Variants in SND1 observed in about 807,000 individuals in gnomAD.
The protein encoded by SND1 is staphylococcal nuclease domain-containing protein 1.
A neutral mutation model predicts 121.7 loss-of-function variants in SND1; 38 were observed. The observed-to-expected ratio is 0.31, with a 90% CI of 0.24 to 0.41. The LOEUF (loss-of-function observed/expected upper bound fraction) is 0.41. Ranked by LOEUF, SND1 falls within the 10% of genes least tolerant of loss-of-function variation. SND1 has a pLI of 1.00. For missense variants in SND1, 868 were observed against 1,184.6 expected, an observed-to-expected ratio of 0.73 and a Z score of 3.92; for synonymous variants, 401 against 447.4, an observed-to-expected ratio of 0.90 and a Z score of 1.31.
chr7:127,750,300 A>G (rs970270934), intron 10 of SND1, among the ~76,000 whole-genome samples: 4 of 152,170 alleles, frequency 2.6e-5, no homozygotes, highest in Non-Finnish European at 4.4e-5. Context: ...GGTCTTCCCT[A>G]TGCTGGTTCT....
chr7:128,038,093 A>G lies in SND1; in HGVS notation c.1780-36409A>G, dbSNP rs147361644. 1.3e-3 allele frequency among the ~76,000 whole-genome samples: 196 copies of G among 152,354 alleles called. 1 individual carries two copies. The highest frequency in any genetic ancestry group is 4.6e-3 in the African/African-American group (192 of 41,574). On this transcript the variant is annotated intron_variant, in intron 16 of 23. Coordinates refer to ENST00000354725, the MANE Select transcript of SND1 (RefSeq NM_014390.4). ...CTATGAATAGAGTGGCTTTTCAGGT[A>G]TCTGAAACATAAATGTGATCATTAA...
intron 15 of SND1, among the ~76,000 whole-genome samples, chr7:127,981,442 C>G (rs1306046125): frequency 6.6e-6 from 1 of 152,146 alleles, no homozygotes; most frequent in East Asian, 1.9e-4. Context: ...CCCAAACACA[C>G]CTCCAGAGAC....
chr7:127,935,817 G>T (rs1801049865), intron 15 of SND1, among the ~76,000 whole-genome samples: 1 of 152,214 alleles, frequency 6.6e-6, no homozygotes, highest in Non-Finnish European at 1.5e-5. Context: ...GGGGGTTTGG[G>T]TTGTGATTCT....
At chr7:128,026,479 A>G (rs1309803634) in intron 16 of SND1, among the ~76,000 whole-genome samples, 1 of 152,220 alleles carries the variant, frequency 6.6e-6, no homozygotes, top group Non-Finnish European at 1.5e-5. Context: ...AATTCCCTGC[A>G]TTAGTATAAA....
At chr7:127,786,931 C>T (rs1037718527) in intron 10 of SND1, among the ~76,000 whole-genome samples, 3 of 152,188 alleles carry the variant, frequency 2.0e-5, no homozygotes, top group Admixed American at 6.5e-5. Context: ...CGTGAGCCAC[C>T]GCGCCCGGCC....
intron 10 of SND1, among the ~76,000 whole-genome samples, 171 bp downstream of exon 10, chr7:127,721,571 AG>A (rs1348533213): frequency 1.3e-5 from 2 of 152,254 alleles, no homozygotes; most frequent in Non-Finnish European, 2.9e-5. Context: ...ACTATTGGGC[AG>A]GTCTCAGTGT....
rs116567886 is a variant in SND1 at position 128,026,272 on chromosome 7, G to A, written c.1779+35216G>A. ...GTGATAAAGGAGAGGCAGGAGGAAC[G>A]GATCTTTGGTGCCTAGAACTGTGAG... On this transcript the variant is annotated intron_variant, in intron 16 of 23. Transcript: ENST00000354725. Among the ~76,000 whole-genome samples, 683 of 152,280 alleles carry A rather than the reference G, an allele frequency of 4.5e-3. 9 individuals are homozygous for A. Among genetic ancestry groups the A allele is most frequent in the African/African-American group, 0.016 (652 of 41,546 alleles).
intron 16 of SND1, among the ~76,000 whole-genome samples, chr7:128,009,677 T>C (rs1486661388): frequency 6.6e-6 from 1 of 152,204 alleles, no homozygotes; most frequent in Non-Finnish European, 1.5e-5. Context: ...ACAAGTCCCC[T>C]GCACATTGTG....
chr7:127,927,993 G>A (rs1236578257), intron 14 of SND1: 1 of 152,096 alleles, frequency 6.6e-6, no homozygotes, highest in Non-Finnish European at 1.5e-5. Flanking sequence ...AAAATCCAGT[G>A]ACTATTCCCC....
At chr7:127,997,913 C>G (rs1320088505) in intron 16 of SND1, 1 of 534,710 alleles carries the variant, frequency 1.9e-6, no homozygotes, top group African/African-American at 1.9e-5. Context: ...CCCTTGCTCT[C>G]CCAGGCTAGA....
At chr7:127,732,535 A>G (rs1190168999) in intron 10 of SND1, among the ~76,000 whole-genome samples, 3 of 152,190 alleles carry the variant, frequency 2.0e-5, no homozygotes, top group Admixed American at 1.3e-4. Flanking sequence ...GCATTGTTGA[A>G]GTTGACTGCT....
intron 2 of SND1, among the ~76,000 whole-genome samples, chr7:127,693,330 T>C (rs931381019): frequency 5.3e-5 from 8 of 151,942 alleles, no homozygotes; most frequent in African/African-American, 1.7e-4. Context: ...TGTCATTGAG[T>C]GAATTGGGTT....
intron 10 of SND1, among the ~76,000 whole-genome samples, chr7:127,802,842 C>T (rs1241903973): frequency 6.6e-6 from 1 of 152,296 alleles, no homozygotes; most frequent in African/African-American, 2.4e-5. Flanking sequence ...TTTACATTTG[C>T]TCAGATAAAA....
intron 10 of SND1, among the ~76,000 whole-genome samples, chr7:127,767,376 C>T (rs1248603704): frequency 1.3e-5 from 2 of 152,156 alleles, no homozygotes; most frequent in African/African-American, 4.8e-5. Flanking sequence ...ACCACAGCTG[C>T]CTTCTTATAT....
Position 128,015,020 on chromosome 7 carries a change from T to G in SND1, c.1779+23964T>G, listed in dbSNP as rs1803196303. ...CTTATTCGTGCTCTGCCTACTTGGC[T>G]GGCTGTTCTTGCACTTGAGCGGCTT... On this transcript the variant is annotated intron_variant, in intron 16 of 23. Coordinates refer to ENST00000354725, the MANE Select transcript of SND1 (RefSeq NM_014390.4). The surrounding 1 kb of genome is among the most constrained non-coding windows in gnomAD (Gnocchi z 4.5). Among the ~76,000 whole-genome samples the G allele has an allele frequency of 6.6e-6, 1 of 152,254 alleles. No individual in the cohort carries two copies. The highest frequency in any genetic ancestry group is 1.5e-5 in the Non-Finnish European group (1 of 68,046).
At position 128,029,691 on chromosome 7, in the gene SND1, T is replaced by A; in HGVS notation, c.1779+38635T>A. 1 of 1,613,850 alleles carries A rather than the reference T, an allele frequency of 6.2e-7. No homozygotes were observed. The highest frequency in any genetic ancestry group is 8.5e-7 in the Non-Finnish European group (1 of 1,180,002). On this transcript the variant is annotated intron_variant, in intron 16 of 23. Coordinates refer to ENST00000354725, the MANE Select transcript of SND1 (RefSeq NM_014390.4). This position sits in a 1 kb window ranked among gnomAD's most constrained non-coding sequence, Gnocchi z 4.2. ...GCAGGTGGAATTGGTGGGTATATACTCTCGAAGCCACCAGGCTAGCCACAG... is the reference window on the plus strand; with the variant it reads ...GCAGGTGGAATTGGTGGGTATATACACTCGAAGCCACCAGGCTAGCCACAG...
intron 12 of SND1, among the ~76,000 whole-genome samples, chr7:127,857,403 C>G (rs1260258275): frequency 6.7e-6 from 1 of 148,594 alleles, no homozygotes; most frequent in Non-Finnish European, 1.5e-5. Flanking sequence ...CGGGGTTTCA[C>G]CATGTTGGCC....
chr7:127,952,339 G>A (rs1201800273), intron 15 of SND1, among the ~76,000 whole-genome samples: 1 of 152,108 alleles, frequency 6.6e-6, no homozygotes, highest in East Asian at 1.9e-4. Context: ...GTGCATTTCC[G>A]AGAATCTCCT....
At chr7:128,026,580 CA>C (rs1329057402) in intron 16 of SND1, among the ~76,000 whole-genome samples, 13 of 152,170 alleles carry the variant, frequency 8.5e-5, no homozygotes, top group African/African-American at 3.1e-4. Context: ...CACCTACCAC[CA>C]AAACATGTTT....
Sources: allele counts gnomAD v4.1 joint callset (sites outside exome capture counted in the v4.1 genomes callset), GRCh38; gene constraint gnomAD v4.1.1; non-coding constraint Gnocchi (gnomAD v3.1); transcripts MANE v1.5; gene names NCBI Gene and HGNC (gene_info 2026-07-23, HGNC 2026-07-21).